FRMD3: variants seen among roughly 807,000 people sequenced by gnomAD.
The protein encoded by FRMD3 is FERM domain containing 3.
A neutral mutation model predicts 70.2 loss-of-function variants in FRMD3; 33 were observed. The ratio of observed to expected loss-of-function variants is 0.47; its 90% confidence interval spans 0.36 to 0.63. The LOEUF is 0.63. Ranked by LOEUF, FRMD3 falls within the 20% of genes least tolerant of loss-of-function variation. The probability of loss-of-function intolerance (pLI) is 0.00; values close to 1 mark genes in which losing one functional copy is unlikely to be tolerated. For missense variants in FRMD3, 632 were observed against 711.4 expected, an observed-to-expected ratio of 0.89 and a Z score of 1.27; for synonymous variants, 279 against 255.9, an observed-to-expected ratio of 1.09 and a Z score of -0.86.
In FRMD3 at chr9:83,538,304, C is replaced by A; in HGVS notation, c.-73G>T. 6.8e-7 allele frequency: 1 copy of A among 1,462,582 alleles called. No homozygotes were observed. Among genetic ancestry groups the A allele is most frequent in the Non-Finnish European group, 9.2e-7 (1 of 1,090,408 alleles). 90.6% of individuals were successfully genotyped at this position (1,462,582 alleles called of 1,614,324 possible). On this transcript the variant is annotated 5_prime_UTR_variant, in exon 1 of 14. Coordinates refer to ENST00000304195, the MANE Select transcript of FRMD3 (RefSeq NM_174938.6). The surrounding 1 kb of genome is among the most constrained non-coding windows in gnomAD (Gnocchi z 4.7). ...GCTCGCCTGCGCGGACACACACGCT[C>A]GCACGCACTGTCCGGGACACCTGGG... is the stretch of plus-strand genomic sequence containing the variant.
chr9:83,345,777 G>A (rs937379874), intron 4 of FRMD3, among the ~76,000 whole-genome samples: 1 of 151,408 alleles, frequency 6.6e-6, no homozygotes, highest in Non-Finnish European at 1.5e-5. Flanking sequence ...TAAAAATAAA[G>A]AAATTAATTA....
In FRMD3 at chr9:83,392,230, C is replaced by T. The variant is rs570015879; in HGVS notation, c.148-2522G>A. The stretch of plus-strand genomic sequence containing the variant: ...TTCTGCCCTGGCCTCTGCACGTTGC[C>T]CAGCAAGCCTCACCACCCTGAGACC... On this transcript the variant is annotated intron_variant, in intron 1 of 13. Coordinates refer to ENST00000304195, the MANE Select transcript of FRMD3 (RefSeq NM_174938.6). Among the ~76,000 whole-genome samples, 12 of 152,194 alleles carry T rather than the reference C, an allele frequency of 7.9e-5. No individual in the cohort carries two copies. In the South Asian group the frequency reaches 2.5e-3, roughly 32 times the overall value.
At chr9:83,424,350 G>T (rs1826740414) in intron 1 of FRMD3, among the ~76,000 whole-genome samples, 1 of 152,174 alleles carries the variant, frequency 6.6e-6, no homozygotes, top group Admixed American at 6.5e-5. Context: ...ACACTATGTG[G>T]TTTTCAAAAA....
chr9:83,562,598 C>T, the FRMD3 span, among the ~76,000 whole-genome samples: 5 of 152,192 alleles, frequency 3.3e-5, no homozygotes, highest in African/African-American at 1.2e-4. Context: ...CTGTTCTACA[C>T]CTTAGCTGTC....
chr9:83,417,322 T>C (rs934340473), intron 1 of FRMD3, among the ~76,000 whole-genome samples: 1 of 152,192 alleles, frequency 6.6e-6, no homozygotes, highest in Non-Finnish European at 1.5e-5. Flanking sequence ...GAGTAAACCA[T>C]GCCTGCTCTC....
intron 3 of FRMD3, among the ~76,000 whole-genome samples, chr9:83,357,240 TAC>T (rs200410888): frequency 0.059 from 441 of 7,518 alleles, 55 homozygotes; most frequent in Middle Eastern, 0.25. Context: ...ATATATATAA[TAC>T]ATACATATAT....
rs764251931 is a variant in FRMD3, at chr9:83,441,772, C to T, written c.148-52064G>A. On this transcript the variant is annotated intron_variant, in intron 1 of 13. Transcript: ENST00000304195. Reference sequence around the variant, plus strand: ...CCCTCCCTCGGTTGTTATCTGCGGACGCCACCAGCTTTAGATGCCATGACA... The same window carrying T: ...CCCTCCCTCGGTTGTTATCTGCGGATGCCACCAGCTTTAGATGCCATGACA... 7.9e-5 allele frequency among the ~76,000 whole-genome samples: 12 copies of T among 152,104 alleles called. No homozygotes were observed. In the South Asian group the frequency reaches 1.0e-3, roughly 13 times the overall value.
At chr9:83,278,421 C>T (rs1833863552) in intron 13 of FRMD3, among the ~76,000 whole-genome samples, 1 of 152,064 alleles carries the variant, frequency 6.6e-6, no homozygotes, top group South Asian at 2.1e-4. Flanking sequence ...ACCCCTCAGG[C>T]GATAACTGCA....
At chr9:83,311,287 G>GAAA (rs35801668) in intron 8 of FRMD3, among the ~76,000 whole-genome samples, 2 of 121,580 alleles carry the variant, frequency 1.6e-5, no homozygotes, top group Non-Finnish European at 1.7e-5. Context: ...GAATGGCAGA[G>GAAA]AAAAAAAAAA....
Position 83,290,822 on chromosome 9 carries a change from C to T in FRMD3, c.1071-95G>A. 1.5e-6 allele frequency: 2 copies of T among 1,366,938 alleles called. 1 individual carries two copies. Among genetic ancestry groups the T allele is most frequent in the South Asian group, 2.8e-5 (2 of 71,556 alleles). 84.7% of individuals were successfully genotyped at this position (1,366,938 alleles called of 1,614,324 possible). ...TGCCCAAGCTACCATTTTGTGTCTA[C>T]AGGGAACTACCTCCAGACACAGTGA... On this transcript the variant is annotated intron_variant, in intron 12 of 13. Coordinates refer to ENST00000304195, the MANE Select transcript of FRMD3 (RefSeq NM_174938.6).
At chr9:83,507,844 A>ATATTATAG (rs1010456140) in intron 1 of FRMD3, among the ~76,000 whole-genome samples, 25 of 149,864 alleles carry the variant, frequency 1.7e-4, no homozygotes, top group African/African-American at 5.6e-4. Context: ...AAAGTATAGT[A>ATATTATAG]TATTATAGTA....
chr9:83,574,045 T>C, the FRMD3 span, among the ~76,000 whole-genome samples: 1 of 152,144 alleles, frequency 6.6e-6, no homozygotes, highest in Non-Finnish European at 1.5e-5. Context: ...TCAACATATA[T>C]ACACCCTCTT....
chr9:83,322,722 G>A (rs4361831), intron 6 of FRMD3, among the ~76,000 whole-genome samples: 33,555 of 152,014 alleles, frequency 0.22, 4,321 homozygotes, highest in East Asian at 0.41. Context: ...ATCCCTGGAG[G>A]TTTCTCTCTT....
chr9:83,448,036 A>T (rs1346927782), intron 1 of FRMD3, among the ~76,000 whole-genome samples: 4 of 152,108 alleles, frequency 2.6e-5, no homozygotes, highest in Non-Finnish European at 4.4e-5. Context: ...GCCCCAAACT[A>T]AATAAAATGC....
At chr9:83,265,714 CA>C (rs1833225659) in intron 13 of FRMD3, among the ~76,000 whole-genome samples, 1 of 152,110 alleles carries the variant, frequency 6.6e-6, no homozygotes, top group Admixed American at 6.5e-5. Context: ...AACCATTTTG[CA>C]AAACTTTTAA....
At chr9:83,371,851 T>C (rs1433867920) in intron 3 of FRMD3, among the ~76,000 whole-genome samples, 1 of 151,326 alleles carries the variant, frequency 6.6e-6, no homozygotes, top group Non-Finnish European at 1.5e-5. Flanking sequence ...GAAGGAGGAA[T>C]GGGAAGGGAG....
intron 13 of FRMD3, among the ~76,000 whole-genome samples, chr9:83,282,016 C>A (rs1423302443): frequency 6.6e-6 from 1 of 152,196 alleles, no homozygotes. Context: ...TTCTTAGTTA[C>A]CCATTCTGTT....
At chr9:83,479,671 G>GAAA (rs1828497978) in intron 1 of FRMD3, among the ~76,000 whole-genome samples, 17 of 29,982 alleles carry the variant, frequency 5.7e-4, no homozygotes, top group East Asian at 4.1e-3. Context: ...AAGGAAGGAA[G>GAAA]GAAAGAAAGA....
intron 1 of FRMD3, among the ~76,000 whole-genome samples, chr9:83,436,458 A>ATGTGTGTGTGTGTGTG (rs148417744): frequency 0.043 from 6,194 of 144,492 alleles, 178 homozygotes; most frequent in Admixed American, 0.076. Flanking sequence ...AATTAATAAG[A>ATGTGTGTGTGTGTGTG]TGTGTGTGTG....
Sources: gnomAD v4.1 joint callset for allele counts (sites outside exome capture counted in the v4.1 genomes callset) on GRCh38, gnomAD v4.1.1 for gene constraint, Gnocchi (gnomAD v3.1) non-coding constraint, MANE v1.5 for transcripts, NCBI Gene and HGNC (gene_info 2026-07-23, HGNC 2026-07-21) for gene names.